The following NKAIN2 variants were observed in gnomAD, a reference collection of about 807,000 sequenced individuals.
The protein encoded by NKAIN2 is sodium/potassium-transporting ATPase subunit beta-1-interacting protein 2.
Under a neutral mutation model 32.6 loss-of-function variants are expected in NKAIN2, and 14 were observed. That is an observed-to-expected ratio of 0.43 (90% confidence interval 0.28 to 0.67). The LOEUF is 0.67. Among genes scored for constraint, NKAIN2 ranks in the 30% least tolerant of loss-of-function variants. NKAIN2 has a pLI of 0.17. For missense variants in NKAIN2, 198 were observed against 258.3 expected (o/e 0.77, Z 1.60); for synonymous variants, 80 against 87.2 (o/e 0.92, Z 0.46).
At chr6:124,369,765 G>T (rs1043594776) in intron 3 of NKAIN2, among the ~76,000 whole-genome samples, 1 of 151,556 alleles carries the variant, frequency 6.6e-6, no homozygotes, top group South Asian at 2.1e-4. Flanking sequence ...TGTGATGGCT[G>T]TGTCAAAATC....
intron 1 of NKAIN2, among the ~76,000 whole-genome samples, chr6:124,069,068 C>G (rs899675139): frequency 6.6e-6 from 1 of 152,130 alleles, no homozygotes; most frequent in Non-Finnish European, 1.5e-5. Context: ...ACAGGGATCA[C>G]TACATTTTGA....
chr6:124,169,563 A>G (rs1489720084), intron 1 of NKAIN2, among the ~76,000 whole-genome samples: 2 of 152,196 alleles, frequency 1.3e-5, no homozygotes, highest in African/African-American at 4.8e-5. Flanking sequence ...ACTGACTTAC[A>G]GAAGTTAACT....
Position 124,132,165 on chromosome 6 carries a change from A to T in NKAIN2, c.55-150840A>T, listed in dbSNP as rs531147675. The stretch of plus-strand genomic sequence containing the variant: ...CTATCCCCCACTTCTTTGGTGAACT[A>T]TACTGCACAGCAGAGGCAGCCATAA... On this transcript the variant is annotated intron_variant, in intron 1 of 6. Coordinates refer to ENST00000368417, the MANE Select transcript of NKAIN2 (RefSeq NM_001040214.3). Among the ~76,000 whole-genome samples the T allele has an allele frequency of 2.0e-5, 3 of 152,240 alleles. No individual in the cohort carries two copies. In the South Asian group the frequency reaches 6.2e-4, roughly 32 times the overall value.
intron 1 of NKAIN2, among the ~76,000 whole-genome samples, chr6:123,977,656 G>C (rs1434154599): frequency 6.6e-6 from 1 of 152,108 alleles, no homozygotes; most frequent in African/African-American, 2.4e-5. Flanking sequence ...TTAATTTACT[G>C]AATGCCAGAG....
At chr6:124,437,793 G>A (rs1775511931) in intron 3 of NKAIN2, 2 of 357,538 alleles carry the variant, frequency 5.6e-6, no homozygotes, top group African/African-American at 2.2e-5. Flanking sequence ...CTTGACTTGG[G>A]TTTTGAAGAA....
At chr6:123,961,459 C>A (rs1184024260) in intron 1 of NKAIN2, among the ~76,000 whole-genome samples, 1 of 152,168 alleles carries the variant, frequency 6.6e-6, no homozygotes, top group Non-Finnish European at 1.5e-5. Context: ...AATGCAGTTT[C>A]CGTTCTAGTC....
intron 1 of NKAIN2, among the ~76,000 whole-genome samples, chr6:123,996,718 A>G (rs1779634714): frequency 6.6e-6 from 1 of 152,072 alleles, no homozygotes; most frequent in Non-Finnish European, 1.5e-5. Context: ...TTAAATCTAA[A>G]TTCCTTGATT....
intron 1 of NKAIN2, among the ~76,000 whole-genome samples, chr6:123,948,128 C>A (rs761485604): frequency 6.6e-6 from 1 of 152,030 alleles, no homozygotes; most frequent in Non-Finnish European, 1.5e-5. Context: ...AATAGTGTTT[C>A]ATTATGTATA....
chr6:124,339,913 G>A (rs1798050004), intron 2 of NKAIN2, among the ~76,000 whole-genome samples: 1 of 152,040 alleles, frequency 6.6e-6, no homozygotes, highest in Admixed American at 6.6e-5. Flanking sequence ...AAATTTACAT[G>A]ACCCTAATTT....
intron 1 of NKAIN2, among the ~76,000 whole-genome samples, chr6:123,989,886 A>G (rs1779338744): frequency 6.6e-6 from 1 of 152,180 alleles, no homozygotes; most frequent in South Asian, 2.1e-4. Flanking sequence ...GCAATAAATA[A>G]GATCTTGTTC....
rs563928195 is a variant in NKAIN2 at position 124,299,344 on chromosome 6, G to A, written c.192+16202G>A. 9.2e-5 allele frequency among the ~76,000 whole-genome samples: 14 copies of A among 152,286 alleles called. No homozygotes were observed. In the South Asian group the frequency reaches 2.9e-3, roughly 32 times the overall value. On this transcript the variant is annotated intron_variant, in intron 2 of 6. Coordinates refer to ENST00000368417, the MANE Select transcript of NKAIN2 (RefSeq NM_001040214.3). ...AATTGCCTATCACTTCTAATTTGGA[G>A]ACTGAAACTGATAGAAACTCAGGAC...
intron 3 of NKAIN2, among the ~76,000 whole-genome samples, chr6:124,393,564 G>A (rs558302226): frequency 6.6e-6 from 1 of 152,174 alleles, no homozygotes; most frequent in African/African-American, 2.4e-5. Flanking sequence ...CTGAAATACT[G>A]AGTGACGGTT....
At chr6:124,433,895 T>C (rs1410226836) in intron 3 of NKAIN2, among the ~76,000 whole-genome samples, 1 of 152,224 alleles carries the variant, frequency 6.6e-6, no homozygotes, top group Non-Finnish European at 1.5e-5. Flanking sequence ...TTGTTTTTGC[T>C]GCTCCGGCTG....
chr6:124,000,832 C>CA (rs1347215479), intron 1 of NKAIN2, among the ~76,000 whole-genome samples: 1 of 151,850 alleles, frequency 6.6e-6, no homozygotes. Context: ...AAAATCACAC[C>CA]AAAAAAGGCA....
At chr6:124,371,387 C>G (rs1226624881) in intron 3 of NKAIN2, among the ~76,000 whole-genome samples, 1 of 151,800 alleles carries the variant, frequency 6.6e-6, no homozygotes, top group African/African-American at 2.4e-5. Flanking sequence ...TTTATTAATT[C>G]CATTGTTTTT....
intron 1 of NKAIN2, among the ~76,000 whole-genome samples, chr6:124,235,921 A>G (rs1315127756): frequency 1.3e-5 from 2 of 151,530 alleles, no homozygotes; most frequent in Non-Finnish European, 2.9e-5. Context: ...TTTTCTATTT[A>G]ATTTTTCATG....
chr6:124,421,893 G>A (rs935973369), intron 3 of NKAIN2, among the ~76,000 whole-genome samples: 5 of 152,122 alleles, frequency 3.3e-5, no homozygotes, highest in African/African-American at 1.2e-4. Context: ...AGAGGTCAGA[G>A]AGCCCTTCTC....
chr6:124,077,784 A>T (rs754594562), intron 1 of NKAIN2, among the ~76,000 whole-genome samples: 5 of 151,130 alleles, frequency 3.3e-5, no homozygotes, highest in Non-Finnish European at 5.9e-5. Flanking sequence ...TTTTTTGTGG[A>T]GTTGAAGGCT....
At chr6:124,252,496 A>T (rs1227831203) in intron 1 of NKAIN2, among the ~76,000 whole-genome samples, 1 of 152,046 alleles carries the variant, frequency 6.6e-6, no homozygotes, top group African/African-American at 2.4e-5. Flanking sequence ...ATAGGCACAC[A>T]TGGGGACTTC....
Sources: allele counts gnomAD v4.1 joint callset (sites outside exome capture counted in the v4.1 genomes callset), GRCh38; gene constraint gnomAD v4.1.1; transcripts MANE v1.5; gene names NCBI Gene and HGNC (gene_info 2026-07-23, HGNC 2026-07-21).